The following NXPH1 variants were observed in gnomAD, a reference collection of about 807,000 sequenced individuals.
The protein encoded by NXPH1 is neurexophilin 1, also known as neurexophilin-1.
NXPH1 carries 5 observed loss-of-function variants against 23.7 expected under a neutral mutation model. The ratio of observed to expected loss-of-function variants is 0.21; its 90% CI spans 0.11 to 0.44. The LOEUF (loss-of-function observed/expected upper bound fraction) is 0.44, where lower values mean the gene tolerates loss of function less well. Among genes scored for constraint, NXPH1 ranks in the 20% least tolerant of loss-of-function variants. The pLI, the probability that NXPH1 is intolerant of heterozygous loss-of-function variation, is 0.99. For missense variants in NXPH1, 324 were observed against 321.6 expected (o/e 1.01, Z -0.06); for synonymous variants, 144 against 122.2 (o/e 1.18, Z -1.18).
At chr7:8,706,745 A>C (rs1019924504) in intron 2 of NXPH1, among the ~76,000 whole-genome samples, 3 of 152,224 alleles carry the variant, frequency 2.0e-5, no homozygotes, top group African/African-American at 7.2e-5. Context: ...AATTGCTGCC[A>C]GTCCTGAGTG....
chr7:8,543,261 T>C (rs1017216967), intron 2 of NXPH1, among the ~76,000 whole-genome samples: 3 of 151,618 alleles, frequency 2.0e-5, no homozygotes, highest in Admixed American at 6.6e-5. Context: ...AATATATTAA[T>C]ACCTTTTCCT....
chr7:8,728,371 C>T (rs1780092424), intron 2 of NXPH1, among the ~76,000 whole-genome samples: 2 of 152,074 alleles, frequency 1.3e-5, no homozygotes, highest in Admixed American at 6.5e-5. Flanking sequence ...ACTTCCAACA[C>T]TATGTTGAAT....
chr7:8,603,495 G>A (rs1819410260), intron 2 of NXPH1, among the ~76,000 whole-genome samples: 1 of 152,096 alleles, frequency 6.6e-6, no homozygotes, highest in South Asian at 2.1e-4. Context: ...TCCAGGTAGA[G>A]GATTCCACCC....
chr7:8,435,862 C>G lies in NXPH1; in HGVS notation c.54+95C>G. The G allele has an allele frequency of 8.9e-7, 1 of 1,119,038 alleles. No individual in the cohort carries two copies. The highest frequency in any genetic ancestry group is 1.4e-6 in the Non-Finnish European group (1 of 729,982). The allele number at this position is 1,119,038 out of a possible 1,614,324, so 69.3% of individuals were successfully genotyped here. The stretch of plus-strand genomic sequence containing the variant: ...CGGGAGAAGGGTTACGCCGCCAGTT[C>G]AGTGAGAGCAGCTTCCTAGCAGCTG... On this transcript the variant is annotated intron_variant, in intron 2 of 2. Coordinates refer to ENST00000405863, the MANE Select transcript of NXPH1 (RefSeq NM_152745.3). This position sits in a 1 kb window ranked among gnomAD's most constrained non-coding sequence, Gnocchi z 5.9.
intron 2 of NXPH1, among the ~76,000 whole-genome samples, chr7:8,443,448 C>T (rs1381569901): frequency 6.6e-6 from 1 of 152,256 alleles, no homozygotes; most frequent in Non-Finnish European, 1.5e-5. Context: ...AGGCAACCAA[C>T]TTATTCGCAA....
chr7:8,705,349 C>T (rs1176973013), intron 2 of NXPH1, among the ~76,000 whole-genome samples: 5 of 152,136 alleles, frequency 3.3e-5, no homozygotes, highest in Non-Finnish European at 7.4e-5. Flanking sequence ...ATACATTTAT[C>T]CCTGATTCAT....
intron 2 of NXPH1, among the ~76,000 whole-genome samples, chr7:8,679,981 A>G (rs529380322): frequency 2.6e-4 from 39 of 152,268 alleles, no homozygotes; most frequent in Non-Finnish European, 4.0e-4. Flanking sequence ...AGATTGTGCC[A>G]TTGCACTCCA....
intron 2 of NXPH1, among the ~76,000 whole-genome samples, chr7:8,750,403 G>T (rs1780543660): frequency 6.6e-6 from 1 of 152,130 alleles, no homozygotes; most frequent in African/African-American, 2.4e-5. Flanking sequence ...GTGCCATGGT[G>T]TTTTGCCGCA....
intron 2 of NXPH1, among the ~76,000 whole-genome samples, chr7:8,679,705 C>G (rs1821021531): frequency 6.6e-6 from 1 of 152,118 alleles, no homozygotes; most frequent in Non-Finnish European, 1.5e-5. Flanking sequence ...TCACCCAAGT[C>G]TATTTGTTGC....
At chr7:8,468,722 G>A (rs1016685893) in intron 2 of NXPH1, among the ~76,000 whole-genome samples, 1 of 151,990 alleles carries the variant, frequency 6.6e-6, no homozygotes, top group African/African-American at 2.4e-5. Context: ...GTGACTGATT[G>A]AAAATGCTTT....
intron 2 of NXPH1, among the ~76,000 whole-genome samples, chr7:8,551,334 C>G (rs907590806): frequency 4.0e-5 from 6 of 151,438 alleles, no homozygotes; most frequent in Non-Finnish European, 8.9e-5. Flanking sequence ...ATGATGAATT[C>G]TGAGCAAACT....
chr7:8,551,685 T>G (rs902626064), intron 2 of NXPH1, among the ~76,000 whole-genome samples: 7 of 151,538 alleles, frequency 4.6e-5, no homozygotes, highest in African/African-American at 1.4e-4. Flanking sequence ...AAATAAGATT[T>G]AGGAATATGT....
Position 8,498,146 on chromosome 7 carries a change from C to T in NXPH1, c.54+62379C>T, listed in dbSNP as rs183699547. ...TTTAAACCATGAAGCATTGTACACA[C>T]GCAAGTTATTATTATTACAAGTACC... On this transcript the variant is annotated intron_variant, in intron 2 of 2. Transcript: ENST00000405863. 6.8e-3 allele frequency among the ~76,000 whole-genome samples: 1,031 copies of T among 151,026 alleles called. 10 individuals are homozygous for T. The highest frequency in any genetic ancestry group is 0.017 in the Middle Eastern group (5 of 294).
At chr7:8,452,507 G>A (rs924833690) in intron 2 of NXPH1, among the ~76,000 whole-genome samples, 6 of 152,072 alleles carry the variant, frequency 3.9e-5, no homozygotes, top group Admixed American at 6.6e-5. Flanking sequence ...ATGTTTTACA[G>A]CTCTCTTTGT....
intron 2 of NXPH1, among the ~76,000 whole-genome samples, chr7:8,616,184 C>T (rs139682270): frequency 3.1e-3 from 479 of 152,146 alleles, no homozygotes; most frequent in African/African-American, 0.011. Context: ...TCTTCTTACA[C>T]AGTCACGTTC....
intron 2 of NXPH1, among the ~76,000 whole-genome samples, chr7:8,697,688 A>G (rs7782383): frequency 0.16 from 24,871 of 152,114 alleles, 3,595 homozygotes; most frequent in African/African-American, 0.37. Flanking sequence ...TGAACAAAGT[A>G]TCTGTTATGG....
intron 2 of NXPH1, among the ~76,000 whole-genome samples, chr7:8,615,748 A>C (rs1819719537): frequency 6.6e-6 from 1 of 152,118 alleles, no homozygotes; most frequent in Non-Finnish European, 1.5e-5. Context: ...ATTTTGAAGA[A>C]GGTAACACAC....
intron 2 of NXPH1, among the ~76,000 whole-genome samples, chr7:8,463,344 T>C (rs1355808047): frequency 6.6e-6 from 1 of 152,034 alleles, no homozygotes; most frequent in African/African-American, 2.4e-5. Context: ...TGAACTGTAA[T>C]TTACTTATTG....
chr7:8,577,098 G>A (rs1341797968), intron 2 of NXPH1, among the ~76,000 whole-genome samples: 1 of 152,014 alleles, frequency 6.6e-6, no homozygotes, highest in Admixed American at 6.5e-5. Flanking sequence ...TATTAGTCAG[G>A]AATTCTAAAA....
Sources: gnomAD v4.1 joint callset for allele counts (sites outside exome capture counted in the v4.1 genomes callset) on GRCh38, gnomAD v4.1.1 for gene constraint, Gnocchi (gnomAD v3.1) non-coding constraint, MANE v1.5 for transcripts, NCBI Gene and HGNC (gene_info 2026-07-23, HGNC 2026-07-21) for gene names.